The following JMJD1C variants were observed in gnomAD, a reference collection of about 807,000 sequenced individuals.
JMJD1C encodes the protein jumonji domain containing 1C.
A neutral mutation model predicts 245.3 loss-of-function variants in JMJD1C; 31 were observed. The ratio of observed to expected loss-of-function variants is 0.13; its 90% CI spans 0.09 to 0.17. The LOEUF is 0.17. Ranked by LOEUF, JMJD1C falls within the 10% of genes least tolerant of loss-of-function variation. The pLI, the probability that JMJD1C is intolerant of heterozygous loss-of-function variation, is 1.00. For synonymous variants in JMJD1C, 1,057 were observed against 1,017.4 expected, an observed-to-expected ratio of 1.04 and a Z score of -0.74; for missense variants, 2,691 against 3,000.2, an observed-to-expected ratio of 0.90 and a Z score of 2.41.
intron 2 of JMJD1C, among the ~76,000 whole-genome samples, chr10:63,275,048 T>A (rs1320825901): frequency 6.6e-6 from 1 of 152,150 alleles, no homozygotes; most frequent in Non-Finnish European, 1.5e-5. Flanking sequence ...TAGGTATTTT[T>A]AAAAAAGAAA....
At chr10:63,222,000 G>A (rs180843593) in intron 3 of JMJD1C, among the ~76,000 whole-genome samples, 4 of 152,270 alleles carry the variant, frequency 2.6e-5, no homozygotes, top group African/African-American at 9.6e-5. Flanking sequence ...GGTATTACAG[G>A]CGTGAGCCAC....
rs144973208 is a variant in JMJD1C, at chr10:63,481,126, A to G, written n.113+40612T>C. On this transcript the variant is annotated intron_variant and non_coding_transcript_variant, in intron 1 of 3. Transcript: ENST00000633035. Reference sequence around the variant, plus strand: ...TTCAACTTCTACCTGCTGAGAAACTATAAGTATTTTTCTTCAGGAACTAAA... The same window carrying G: ...TTCAACTTCTACCTGCTGAGAAACTGTAAGTATTTTTCTTCAGGAACTAAA... Among the ~76,000 whole-genome samples the G allele has an allele frequency of 2.5e-3, 377 of 152,340 alleles. 3 individuals are homozygous for G. The South Asian group carries it at 0.03, about 12-fold the overall frequency.
chr10:63,202,796 C>A (rs1384916779), intron 10 of JMJD1C: 3 of 984,432 alleles, frequency 3.0e-6, no homozygotes, highest in Non-Finnish European at 3.6e-6. Context: ...GTAAAATATT[C>A]AGAGCTTTTA....
upstream of JMJD1C, chr10:63,466,199 C>T: frequency 5.4e-6 from 1 of 185,686 alleles, no homozygotes; most frequent in South Asian, 1.1e-4. Context: ...GGAAAGTAGG[C>T]GACAGCTATT....
rs970434019 is a variant in JMJD1C, at chr10:63,184,465, A to G, written c.6961+143T>C. On this transcript the variant is annotated intron_variant, in intron 21 of 25. Coordinates refer to ENST00000399262, the MANE Select transcript of JMJD1C (RefSeq NM_032776.3). ...CACCATGTTGACCAGGATGGTCTCA[A>G]TCTCCTGACCTCGTGATTCACCCGC... 7 of 651,510 alleles carry G rather than the reference A, an allele frequency of 1.1e-5. No individual in the cohort carries two copies. In the Admixed American group the frequency reaches 1.3e-4, roughly 12 times the overall value. 40.4% of individuals were successfully genotyped at this position (651,510 alleles called of 1,614,324 possible).
chr10:63,390,657 C>T (rs578164916), intron 1 of JMJD1C, among the ~76,000 whole-genome samples: 2 of 152,066 alleles, frequency 1.3e-5, no homozygotes, highest in Non-Finnish European at 2.9e-5. Context: ...AAATAGAAAA[C>T]CAAATTCAAC....
intron 2 of JMJD1C, among the ~76,000 whole-genome samples, chr10:63,325,037 T>C (rs1024602042): frequency 6.6e-6 from 1 of 152,198 alleles, no homozygotes; most frequent in African/African-American, 2.4e-5. Flanking sequence ...TAATTCTTAA[T>C]ATTACAAACT....
At chr10:63,259,601 A>C (rs1387190073) in intron 3 of JMJD1C, among the ~76,000 whole-genome samples, 1 of 152,234 alleles carries the variant, frequency 6.6e-6, no homozygotes, top group African/African-American at 2.4e-5. Context: ...AAATGGATTC[A>C]AACTGGAAAA....
rs1354525856 is a variant in JMJD1C at position 63,235,577 on chromosome 10, T to C, written c.448-15594A>G. On this transcript the variant is annotated intron_variant, in intron 3 of 25. Coordinates refer to ENST00000399262, the MANE Select transcript of JMJD1C (RefSeq NM_032776.3). ...AATTCCCTATTATTCAGAAAGATTATTTATCTATTTAACAGTTAAGCATAT... is the reference window on the plus strand; with the variant it reads ...AATTCCCTATTATTCAGAAAGATTACTTATCTATTTAACAGTTAAGCATAT... 3.2e-4 allele frequency among the ~76,000 whole-genome samples: 49 copies of C among 152,176 alleles called. 1 individual carries two copies. The highest frequency in any genetic ancestry group is 3.2e-3 in the Admixed American group (49 of 15,272).
At chr10:63,474,025 A>G (rs1253511801) in intron 1 of JMJD1C, among the ~76,000 whole-genome samples, 1 of 152,048 alleles carries the variant, frequency 6.6e-6, no homozygotes, top group Non-Finnish European at 1.5e-5. Flanking sequence ...CCTAGGTGAC[A>G]AGAGTGAAAC....
At chr10:63,508,670 T>C (rs1171967091) in intron 1 of JMJD1C, among the ~76,000 whole-genome samples, 2 of 152,226 alleles carry the variant, frequency 1.3e-5, no homozygotes, top group Admixed American at 1.3e-4. Flanking sequence ...GTTTTGTAGG[T>C]TTCTTTACAT....
rs757927320 is a variant in JMJD1C at position 63,215,469 on chromosome 10, A to G, written c.823-14T>C. ...TGTATAATGGCTCTAAAAATAACCA[A>G]TTAACAGTAATTGTTTACTACCTGG... On this transcript the variant is annotated splice_polypyrimidine_tract_variant and intron_variant, in intron 6 of 25. Coordinates refer to ENST00000399262, the MANE Select transcript of JMJD1C (RefSeq NM_032776.3). 6.2e-7 allele frequency: 1 copy of G among 1,613,752 alleles called. No individual in the cohort carries two copies. Among genetic ancestry groups the G allele is most frequent in the Non-Finnish European group, 8.5e-7 (1 of 1,179,716 alleles).
At chr10:63,213,396 T>G in intron 8 of JMJD1C, 77 bp downstream of exon 8, 1 of 873,504 alleles carries the variant, frequency 1.1e-6, no homozygotes, top group East Asian at 2.5e-5. Context: ...ACCTAAAAAA[T>G]AGATGGAATA....
chr10:63,381,035 G>T (rs1211745837), intron 1 of JMJD1C, among the ~76,000 whole-genome samples: 1 of 152,176 alleles, frequency 6.6e-6, no homozygotes, highest in East Asian at 1.9e-4. Context: ...GTCAACATAT[G>T]AATGGGTAAA....
Position 63,387,629 on chromosome 10 carries a change from A to ATTTTTTTTTTTTTTTTTTTTTTTT in JMJD1C, c.169-7171_169-7148dup, listed in dbSNP as rs71025169. Among the ~76,000 whole-genome samples the ATTTTTTTTTTTTTTTTTTTTTTTT allele has an allele frequency of 4.5e-4, 17 of 37,862 alleles. 3 individuals are homozygous for ATTTTTTTTTTTTTTTTTTTTTTTT. Among genetic ancestry groups the ATTTTTTTTTTTTTTTTTTTTTTTT allele is most frequent in the African/African-American group, 9.6e-4 (8 of 8,302 alleles). 24.8% of individuals were successfully genotyped at this position (37,862 alleles called of 152,430 possible). A position where few individuals can be genotyped will look rare whatever the true frequency, so the allele number is the denominator to read the frequency against. On this transcript the variant is annotated intron_variant, in intron 1 of 25. Coordinates refer to ENST00000399262, the MANE Select transcript of JMJD1C (RefSeq NM_032776.3). The stretch of plus-strand genomic sequence containing the variant: ...AGTCAGAAGAAAAAAGAAAAAAAAA[A>ATTTTTTTTTTTTTTTTTTTTTTTT]TTTTTTTTTTTTTTTTTTTTTTTTG...
intron 2 of JMJD1C, among the ~76,000 whole-genome samples, chr10:63,323,511 C>T (rs766839249): frequency 1.3e-5 from 2 of 152,016 alleles, no homozygotes; most frequent in Non-Finnish European, 2.9e-5. Context: ...CAGAGCAAGA[C>T]TGTTTCAAAA....
chr10:63,485,207 T>C (rs759797203), intron 1 of JMJD1C, among the ~76,000 whole-genome samples: 19 of 152,128 alleles, frequency 1.2e-4, no homozygotes, highest in Admixed American at 2.6e-4. Flanking sequence ...TAAGTGTTCA[T>C]TGCTTTTTGT....
intron 3 of JMJD1C, among the ~76,000 whole-genome samples, chr10:63,249,529 T>C (rs991882172): frequency 5.9e-5 from 9 of 152,006 alleles, no homozygotes; most frequent in Non-Finnish European, 1.2e-4. Context: ...TATTTCCAAA[T>C]AGGTGGAAGA....
At chr10:63,226,638 C>T (rs1001640431) in intron 3 of JMJD1C, among the ~76,000 whole-genome samples, 3 of 146,938 alleles carry the variant, frequency 2.0e-5, no homozygotes, top group African/African-American at 7.6e-5. Flanking sequence ...TCACTTGAGC[C>T]CAGGAATTCA....
Sources: gnomAD v4.1 joint callset for allele counts (sites outside exome capture counted in the v4.1 genomes callset) on GRCh38, gnomAD v4.1.1 for gene constraint, MANE v1.5 for transcripts, NCBI Gene and HGNC (gene_info 2026-07-23, HGNC 2026-07-21) for gene names.